RELB: variants seen among roughly 807,000 people sequenced by gnomAD.
The protein encoded by RELB is RELB proto-oncogene, NF-kB subunit.
Under a neutral mutation model 55.4 loss-of-function variants are expected in RELB, and 14 were observed. The ratio of observed to expected loss-of-function variants is 0.25; its 90% CI spans 0.17 to 0.40. The LOEUF (loss-of-function observed/expected upper bound fraction) is 0.40, where lower values mean the gene tolerates loss of function less well. Among genes scored for constraint, RELB ranks in the 10% least tolerant of loss-of-function variants. The pLI, the probability that RELB is intolerant of heterozygous loss-of-function variation, is 1.00. For synonymous variants in RELB, 409 were observed against 371.3 expected (o/e 1.10, Z -1.17); for missense variants, 669 against 830.7 (o/e 0.81, Z 2.39).
chr19:45,012,108 C>T lies in RELB; in HGVS notation c.336C>T (p.Gly112=). 6 of 1,556,804 alleles carry T rather than the reference C, an allele frequency of 3.9e-6. No individual in the cohort carries two copies. The highest frequency in any genetic ancestry group is 4.3e-6 in the Non-Finnish European group (5 of 1,158,890). ...ATPPPWGCPL[G]RLVSPAPGPG... is the part of the protein sequence containing the mutation. ...CGCCGCCTTGGGGCTGCCCCCTGGG[C>T]CGACTAGTGTCCCCAGCGCCGGGCC... is the stretch of plus-strand genomic sequence containing the variant. The change falls in exon 4 of 12, where the codon GGC becomes GGT. Residue 112 remains glycine (G), a synonymous_variant. Transcript: ENST00000221452.
At chr19:45,030,567 G>A (rs1971609287) in intron 8 of RELB, among the ~76,000 whole-genome samples, 1 of 152,192 alleles carries the variant, frequency 6.6e-6, no homozygotes, top group South Asian at 2.1e-4. Context: ...GGGAGGCAGA[G>A]GTTGCAGTGA....
At position 45,037,586 on chromosome 19, in the gene RELB, T is replaced by C. The variant is rs772799877; in HGVS notation, c.1536T>C (p.Ala512=). ...LDLLPPAPPH[A]SAVVCSGGAG... is the part of the protein sequence containing the mutation. ...TGCTGCCCCCGGCACCGCCACACGC[T>C]AGCGCTGTTGTGTGCAGCGGAGGTG... is the stretch of plus-strand genomic sequence containing the variant. Residue 512 remains alanine (A), a synonymous_variant, in exon 12 of 12, where the codon GCT becomes GCC. Coordinates refer to ENST00000221452, the MANE Select transcript of RELB (RefSeq NM_006509.4). 6.2e-7 allele frequency: 1 copy of C among 1,611,744 alleles called. No homozygotes were observed. The highest frequency in any genetic ancestry group is 8.5e-7 in the Non-Finnish European group (1 of 1,179,070).
At chr19:45,037,107 C>T (rs182343290) in intron 11 of RELB, among the ~76,000 whole-genome samples, 1 of 152,048 alleles carries the variant, frequency 6.6e-6, no homozygotes, top group Admixed American at 6.6e-5. Context: ...GGTGAAACCC[C>T]GTCTCTACTA....
At chr19:45,018,875 C>T (rs1213129106) in intron 4 of RELB, among the ~76,000 whole-genome samples, 1 of 151,776 alleles carries the variant, frequency 6.6e-6, no homozygotes, top group East Asian at 2.0e-4. Context: ...GGGGTTTCTC[C>T]ATGTCGGTCA....
intron 4 of RELB, among the ~76,000 whole-genome samples, chr19:45,016,381 C>A (rs1971421371): frequency 6.6e-6 from 1 of 152,078 alleles, no homozygotes; most frequent in Non-Finnish European, 1.5e-5. Context: ...ATGTAAACGC[C>A]CCACAGGATA....
At chr19:45,007,005 G>C (rs1316227194) in intron 2 of RELB, among the ~76,000 whole-genome samples, 1 of 151,772 alleles carries the variant, frequency 6.6e-6, no homozygotes, top group East Asian at 1.9e-4. Flanking sequence ...CTGACTTTGA[G>C]GGACTGGAGT....
intron 3 of RELB, 121 bp from the exon 4 acceptor site, chr19:45,011,791 TGTGTGTGAGAGAGAGAGAGAGAGA>T (rs1465256348): frequency 3.4e-5 from 9 of 267,356 alleles, no homozygotes; most frequent in East Asian, 7.2e-5. Flanking sequence ...TGTGTGTGTG[TGTGTGTGAGAGAGAGAGAGAGAGA>T]GAGAGAGAGA....
intron 8 of RELB, among the ~76,000 whole-genome samples, chr19:45,029,569 G>A (rs1201678831): frequency 6.6e-6 from 1 of 151,072 alleles, no homozygotes. Flanking sequence ...AAAAATGAGG[G>A]CTGGGCGCAG....
rs146566695 is a variant in RELB, at chr19:45,016,850, AAAACAAAC to A, written c.504+4594_504+4601del. On this transcript the variant is annotated intron_variant, in intron 4 of 11. Coordinates refer to ENST00000221452, the MANE Select transcript of RELB (RefSeq NM_006509.4). ...CCAGCCTGTGCGAGATCCTGTCTTA[AAAACAAAC>A]AAACAAACAAACAAACAAATCCACT... Among the ~76,000 whole-genome samples the A allele has an allele frequency of 9.6e-3, 1,457 of 151,960 alleles. 24 individuals are homozygous for A. The highest frequency in any genetic ancestry group is 0.032 in the African/African-American group (1,309 of 41,410).
At chr19:45,035,642 A>G (rs1971677431) in intron 11 of RELB, among the ~76,000 whole-genome samples, 2 of 152,050 alleles carry the variant, frequency 1.3e-5, no homozygotes, top group South Asian at 2.1e-4. Context: ...CCTGGCCAAC[A>G]TGGTGAAACT....
intron 11 of RELB, among the ~76,000 whole-genome samples, chr19:45,035,865 A>G (rs761865364): frequency 6.6e-6 from 1 of 152,218 alleles, no homozygotes; most frequent in African/African-American, 2.4e-5. Flanking sequence ...TAGGTGTTCC[A>G]GGGATGGTCT....
intron 3 of RELB, 128 bp downstream of exon 3, chr19:45,009,950 G>A (rs1971328835): frequency 2.1e-6 from 2 of 969,406 alleles, no homozygotes; most frequent in Non-Finnish European, 3.2e-6. Context: ...GGACTGTGGA[G>A]GGATTTGAAC....
chr19:45,011,944 G>A lies in RELB; in HGVS notation c.172G>A (p.Asp58Asn). 6.6e-7 allele frequency: 1 copy of A among 1,523,920 alleles called. No homozygotes were observed. Among genetic ancestry groups the A allele is most frequent in the Non-Finnish European group, 8.8e-7 (1 of 1,141,774 alleles). The allele number at this position is 1,523,920 out of a possible 1,614,324, so 94.4% of individuals were successfully genotyped here. A position where few individuals can be genotyped will look rare whatever the true frequency, so the allele number is the denominator to read the frequency against. ...SRSTDELEII[D>N]EYIKENGFGL... ...TTTTTCTTCTCCCGCAGAGATCATC[G>A]ACGAGTACATCAAGGAGAACGGCTT... Residue 58 changes from aspartate to asparagine, a missense_variant, in exon 4 of 12, where the codon GAC (aspartate) becomes AAC (asparagine). Asp to Asn is a conservative substitution (Grantham distance 23). Coordinates refer to ENST00000221452, the MANE Select transcript of RELB (RefSeq NM_006509.4).
rs945153334 is a variant in RELB at position 45,002,169 on chromosome 19, A to G, written c.106+484A>G. Among the ~76,000 whole-genome samples the G allele has an allele frequency of 5.2e-3, 331 of 63,496 alleles. 4 individuals are homozygous for G. Among genetic ancestry groups the G allele is most frequent in the East Asian group, 0.033 (85 of 2,612 alleles). The allele number at this position is 63,496 out of a possible 152,430, so 41.7% of individuals were successfully genotyped here. ...GCCTGAGTTGGCCGAAAGAAGGGGAAGGGGCGGGGCCTGACTCTGGCCGAG... is the reference window on the plus strand; with the variant it reads ...GCCTGAGTTGGCCGAAAGAAGGGGAGGGGGCGGGGCCTGACTCTGGCCGAG... On this transcript the variant is annotated intron_variant, in intron 1 of 11. Coordinates refer to ENST00000221452, the MANE Select transcript of RELB (RefSeq NM_006509.4).
At chr19:45,034,401 G>A in intron 10 of RELB, 50 bp from the exon 11 acceptor site, 5 of 1,610,184 alleles carry the variant, frequency 3.1e-6, no homozygotes, top group Non-Finnish European at 3.4e-6. Flanking sequence ...CCCAGGCTGG[G>A]GAGGAAGGGC....
intron 4 of RELB, among the ~76,000 whole-genome samples, chr19:45,013,211 G>A (rs11668285): frequency 0.34 from 51,296 of 151,530 alleles, 10,176 homozygotes; most frequent in Non-Finnish European, 0.45. Flanking sequence ...GTGTGATCTC[G>A]CCTCACTGCA....
chr19:45,037,597 T>C lies in RELB; in HGVS notation c.1547T>C (p.Val516Ala). 1 of 1,608,594 alleles carries C rather than the reference T, an allele frequency of 6.2e-7. No homozygotes were observed. Among genetic ancestry groups the C allele is most frequent in the Non-Finnish European group, 8.5e-7 (1 of 1,177,842 alleles). ...GCACCGCCACACGCTAGCGCTGTTG[T>C]GTGCAGCGGAGGTGCCGGGGCCGTG... ...PPAPPHASAV[V>A]CSGGAGAVVG... Residue 516 changes from valine (V) to alanine (A), a missense_variant, in exon 12 of 12, where the codon GTG becomes GCG. Val to Ala is a moderately conservative substitution (Grantham distance 64). This residue lies in a region of RELB where 341 missense variants were observed against 436.8 expected (regional missense o/e 0.78). Transcript: ENST00000221452.
At position 45,002,825 on chromosome 19, in the gene RELB, C is replaced by G. The variant is rs1272506397; in HGVS notation, c.107-124C>G. ...GCCTGGCCAGACGCAGGGGGGCAGT[C>G]AGGGCGAGGGGCCTGATCCAGAGGG... On this transcript the variant is annotated intron_variant, in intron 1 of 11. Transcript: ENST00000221452. 3 of 723,736 alleles carry G rather than the reference C, an allele frequency of 4.1e-6. No homozygotes were observed. In the African/African-American group the frequency reaches 5.3e-5, roughly 13 times the overall value. The allele number at this position is 723,736 out of a possible 1,614,324, so 44.8% of individuals were successfully genotyped here.
At chr19:45,013,689 C>G (rs112253728) in intron 4 of RELB, among the ~76,000 whole-genome samples, 2 of 151,274 alleles carry the variant, frequency 1.3e-5, no homozygotes, top group Admixed American at 1.3e-4. Context: ...AAAATTAGTG[C>G]GGCGTGGTGG....
Sources: gnomAD v4.1 joint callset for allele counts (sites outside exome capture counted in the v4.1 genomes callset) on GRCh38, gnomAD v4.1.1 for gene constraint, gnomAD v4.1.1 regional missense constraint, MANE v1.5 for transcripts, NCBI Gene and HGNC (gene_info 2026-07-23, HGNC 2026-07-21) for gene names.